Variants in PDE1B observed in about 807,000 individuals in gnomAD.
PDE1B encodes the protein phosphodiesterase 1B.
A neutral mutation model predicts 66.7 loss-of-function variants in PDE1B; 13 were observed. That is an observed-to-expected ratio of 0.19 (90% confidence interval 0.13 to 0.31). The LOEUF is 0.31. PDE1B is among the 10% of genes least tolerant of loss of function. The pLI, the probability that PDE1B is intolerant of heterozygous loss-of-function variation, is 1.00. For missense variants in PDE1B, 485 were observed against 682.3 expected (o/e 0.71, Z 3.22); for synonymous variants, 230 against 253.9 (o/e 0.91, Z 0.90).
rs780913553 is a variant in PDE1B, at chr12:54,575,509, G to C, written c.1186-42G>C. 3.5e-6 allele frequency: 5 copies of C among 1,421,782 alleles called. No individual in the cohort carries two copies. Among genetic ancestry groups the C allele is most frequent in the Non-Finnish European group, 5.0e-6 (5 of 1,005,104 alleles). 88.1% of individuals were successfully genotyped at this position (1,421,782 alleles called of 1,614,324 possible). The stretch of plus-strand genomic sequence containing the variant: ...CCTGTACCCCAGATCTGGTAGGTCT[G>C]AGGTATCCTCTCCAGCTTTCCTACC... On this transcript the variant is annotated intron_variant, in intron 11 of 15. Coordinates refer to ENST00000243052, the MANE Select transcript of PDE1B (RefSeq NM_000924.4). This position sits in a 1 kb window ranked among gnomAD's most constrained non-coding sequence, Gnocchi z 4.0.
Position 54,569,695 on chromosome 12 carries a change from AT to A in PDE1B, c.477+88del. 2 of 916,630 alleles carry A rather than the reference AT, an allele frequency of 2.2e-6. No homozygotes were observed. Among genetic ancestry groups the A allele is most frequent in the Non-Finnish European group, 3.5e-6 (2 of 575,530 alleles). 56.8% of individuals were successfully genotyped at this position (916,630 alleles called of 1,614,324 possible). On this transcript the variant is annotated intron_variant, in intron 5 of 15. Coordinates refer to ENST00000243052, the MANE Select transcript of PDE1B (RefSeq NM_000924.4). The surrounding 1 kb of genome is among the most constrained non-coding windows in gnomAD (Gnocchi z 4.4). ...ACTTCTAGACCCTGTTTATGGCATT[AT>A]TTTTGCCTTCCTTTTTTTTTTTTGA...
Position 54,573,213 on chromosome 12 carries a change from C to T in PDE1B, c.801C>T (p.His267=). ...IFAAAIHDYE[H]TGTTNSFHIQ... ...CTGCAGCTATCCATGATTATGAGCA[C>T]ACGGGCACTACCAACAGCTTCCACA... Residue 267 remains histidine (H), a synonymous_variant, in exon 8 of 16, where the codon CAC becomes CAT. Transcript: ENST00000243052. This position sits in a 1 kb window ranked among gnomAD's most constrained non-coding sequence, Gnocchi z 5.2. The T allele has an allele frequency of 6.2e-7, 1 of 1,614,026 alleles. No individual in the cohort carries two copies. Among genetic ancestry groups the T allele is most frequent in the Non-Finnish European group, 8.5e-7 (1 of 1,179,956 alleles).
In PDE1B at chr12:54,575,746, G is replaced by A. The variant is rs1179540312; in HGVS notation, c.1267+114G>A. 5 of 869,444 alleles carry A rather than the reference G, an allele frequency of 5.8e-6. No individual in the cohort carries two copies. The highest frequency in any genetic ancestry group is 9.6e-6 in the Non-Finnish European group (5 of 522,954). The allele number at this position is 869,444 out of a possible 1,614,324, so 53.9% of individuals were successfully genotyped here. A position where few individuals can be genotyped will look rare whatever the true frequency, so the allele number is the denominator to read the frequency against. On this transcript the variant is annotated intron_variant, in intron 12 of 15. Transcript: ENST00000243052. The surrounding 1 kb of genome is among the most constrained non-coding windows in gnomAD (Gnocchi z 4.0). Reference sequence around the variant, plus strand: ...CAAACCATTCTTCCTGTAGAGGAAAGCCTACTGTGCTAGAGCATGGGGTCC... The same window carrying A: ...CAAACCATTCTTCCTGTAGAGGAAAACCTACTGTGCTAGAGCATGGGGTCC...
rs1360491577 is a variant in PDE1B at position 54,569,289 on chromosome 12, C to T, written c.333C>T (p.Ala111=). Residue 111 remains alanine (A), a synonymous_variant, in exon 4 of 16, where the codon GCC becomes GCT. Coordinates refer to ENST00000243052, the MANE Select transcript of PDE1B (RefSeq NM_000924.4). This position sits in a 1 kb window ranked among gnomAD's most constrained non-coding sequence, Gnocchi z 4.4. ...CCACCTTCACCCAGCAGGCCCGGGC[C>T]AAAGGCCGCCGAGCAGAGGAGAAGC... ...LASTFTQQAR[A]KGRRAEEKPK... The T allele has an allele frequency of 1.2e-6, 2 of 1,613,914 alleles. No individual in the cohort carries two copies. The highest frequency in any genetic ancestry group is 2.7e-5 in the African/African-American group (2 of 74,934).
chr12:54,549,958 A>G lies in PDE1B; in HGVS notation c.86A>G (p.Lys29Arg). 1.9e-6 allele frequency: 3 copies of G among 1,614,048 alleles called. No individual in the cohort carries two copies. Among genetic ancestry groups the G allele is most frequent in the Non-Finnish European group, 1.7e-6 (2 of 1,179,970 alleles). Residue 29 changes from lysine to arginine, a missense_variant, in exon 2 of 16, where the codon AAG becomes AGG. Lys to Arg is a conservative substitution (Grantham distance 26). Around this residue, in one of 4 missense-constraint regions of PDE1B, gnomAD observed 74 missense variants for 78.7 expected, o/e 0.94. Transcript: ENST00000243052. ...SPLELKSAPS[K>R]KMWIKLRSLL... Reference sequence around the variant, plus strand: ...CTGGAGCTGAAGTCAGCCCCCAGCAAGAAGATGTGGATTAAGCTTCGGTCT... The same window carrying G: ...CTGGAGCTGAAGTCAGCCCCCAGCAGGAAGATGTGGATTAAGCTTCGGTCT...
At chr12:54,567,860 A>T (rs10161382) in intron 3 of PDE1B, among the ~76,000 whole-genome samples, 66,234 of 150,224 alleles carry the variant, frequency 0.44, 15,338 homozygotes, top group South Asian at 0.53. Flanking sequence ...ATATATATAT[A>T]TATTTTTTTG....
chr12:54,573,105 G>T lies in PDE1B; in HGVS notation c.736-43G>T, dbSNP rs1156923659. 10 of 1,411,304 alleles carry T rather than the reference G, an allele frequency of 7.1e-6. No homozygotes were observed. Among genetic ancestry groups the T allele is most frequent in the Non-Finnish European group, 9.0e-6 (9 of 995,436 alleles). 87.4% of individuals were successfully genotyped at this position (1,411,304 alleles called of 1,614,324 possible). A position where few individuals can be genotyped will look rare whatever the true frequency, so the allele number is the denominator to read the frequency against. ...TGTGGAGGTTCCTGGGAAGTGACCA[G>T]CAGGCGTCACCCCTCTCTCATTCTT... On this transcript the variant is annotated intron_variant, in intron 7 of 15. Transcript: ENST00000243052. The surrounding 1 kb of genome is among the most constrained non-coding windows in gnomAD (Gnocchi z 5.2).
chr12:54,571,604 T>G (rs762681804), intron 6 of PDE1B: 2 of 152,208 alleles, frequency 1.3e-5, no homozygotes, highest in African/African-American at 4.8e-5. Flanking sequence ...CTTCTTGTTT[T>G]AGTTTTCTCT....
chr12:54,556,545 A>G (rs990585515), intron 2 of PDE1B, among the ~76,000 whole-genome samples: 1 of 152,184 alleles, frequency 6.6e-6, no homozygotes, highest in Non-Finnish European at 1.5e-5. Context: ...AGAAAACACC[A>G]GGTCCAGATT....
At chr12:54,562,621 G>A (rs1335698409) in intron 2 of PDE1B, among the ~76,000 whole-genome samples, 1 of 152,208 alleles carries the variant, frequency 6.6e-6, no homozygotes, top group Admixed American at 6.5e-5. Flanking sequence ...AGAACAGTGA[G>A]GTGAGGACTT....
chr12:54,568,908 G>C (rs1957568208), intron 3 of PDE1B, among the ~76,000 whole-genome samples: 1 of 152,156 alleles, frequency 6.6e-6, no homozygotes, highest in Non-Finnish European at 1.5e-5. Context: ...ATTTCTATTG[G>C]ATGGTGCTGC....
intron 3 of PDE1B, among the ~76,000 whole-genome samples, chr12:54,567,803 A>C (rs555209597): frequency 6.6e-6 from 1 of 152,044 alleles, no homozygotes; most frequent in African/African-American, 2.4e-5. Flanking sequence ...CATAAAATAC[A>C]TGATGGATTT....
intron 2 of PDE1B, among the ~76,000 whole-genome samples, chr12:54,556,089 A>G (rs1048768131): frequency 4.6e-5 from 7 of 152,114 alleles, no homozygotes; most frequent in South Asian, 2.1e-4. Flanking sequence ...CCCTCTGGGG[A>G]GGAAGCCAAG....
chr12:54,576,083 G>C lies in PDE1B; in HGVS notation c.1359G>C (p.Lys453Asn), dbSNP rs150000693. The C allele has an allele frequency of 1.9e-5, 31 of 1,610,836 alleles. No individual in the cohort carries two copies. The African/African-American group carries it at 3.7e-4, about 19-fold the overall frequency. Residue 453 changes from lysine to asparagine, a missense_variant, in exon 13 of 16, where the codon AAG (lysine) becomes AAC (asparagine). This residue lies in a region of PDE1B where 126 missense variants were observed against 133.8 expected (regional missense o/e 0.94). Coordinates refer to ENST00000243052, the MANE Select transcript of PDE1B (RefSeq NM_000924.4). ...AGCCCCTGGCGGATGAGGACTCCAA[G>C]TCTAAAAACCAGCCCAGGTGAGGGT... Reference protein sequence around the residue: ...SVQPLADEDSKSKNQPSFQWR... With the variant: ...SVQPLADEDSNSKNQPSFQWR...
At chr12:54,555,459 C>T (rs575608796) in intron 2 of PDE1B, among the ~76,000 whole-genome samples, 4 of 152,160 alleles carry the variant, frequency 2.6e-5, no homozygotes, top group African/African-American at 4.8e-5. Flanking sequence ...CAGAGGAAGG[C>T]GAAAGAGGTT....
Position 54,579,150 on chromosome 12 carries a change from G to A in PDE1B, c.*1308G>A, listed in dbSNP as rs958315297. The A allele has an allele frequency of 7.8e-5, 51 of 656,786 alleles. No individual in the cohort carries two copies. In the African/African-American group the frequency reaches 8.8e-4, roughly 11 times the overall value. The allele number at this position is 656,786 out of a possible 1,614,324, so 40.7% of individuals were successfully genotyped here. ...TGGTACTTCCACCCTACCCCACCCC[G>A]AGAAGGGCAGAGACGCATGTGACTC... On this transcript the variant is annotated 3_prime_UTR_variant, in exon 16 of 16. Transcript: ENST00000243052.
chr12:54,550,352 G>A, intron 2 of PDE1B: 2 of 673,752 alleles, frequency 3.0e-6, no homozygotes, highest in South Asian at 8.8e-5. Flanking sequence ...TTGTGCAGAT[G>A]TGAGCCACAT....
chr12:54,568,075 C>T (rs886948719), intron 3 of PDE1B, among the ~76,000 whole-genome samples: 4 of 152,100 alleles, frequency 2.6e-5, no homozygotes, highest in Admixed American at 6.5e-5. Flanking sequence ...AGGCTGGTCT[C>T]GAACTCCTGA....
chr12:54,572,335 G>T lies in PDE1B; in HGVS notation c.595-266G>T, dbSNP rs1289464016. ...TTAGAGAGCATTTACTAAATGCCTT[G>T]TACTTATCTCATTAATTTCCAGGTA... On this transcript the variant is annotated intron_variant, in intron 6 of 15. Transcript: ENST00000243052. The T allele has an allele frequency of 5.8e-6, 3 of 518,846 alleles. No individual in the cohort carries two copies. In the Admixed American group the frequency reaches 8.3e-5, roughly 14 times the overall value. 32.1% of individuals were successfully genotyped at this position (518,846 alleles called of 1,614,324 possible).
Sources: gnomAD v4.1 joint callset for allele counts (sites outside exome capture counted in the v4.1 genomes callset) on GRCh38, gnomAD v4.1.1 for gene constraint, gnomAD v4.1.1 regional missense constraint, Gnocchi (gnomAD v3.1) non-coding constraint, MANE v1.5 for transcripts, NCBI Gene and HGNC (gene_info 2026-07-23, HGNC 2026-07-21) for gene names.